SSH2: variants seen among roughly 807,000 people sequenced by gnomAD.
The protein encoded by SSH2 is protein phosphatase Slingshot homolog 2.
A neutral mutation model predicts 135.2 loss-of-function variants in SSH2; 37 were observed. The observed-to-expected ratio is 0.27, with a 90% CI of 0.21 to 0.36. The LOEUF is 0.36. Ranked by LOEUF, SSH2 falls within the 10% of genes least tolerant of loss-of-function variation. The pLI is 1.00. For missense variants in SSH2, 1,408 were observed against 1,765.3 expected (o/e 0.80, Z 3.63); for synonymous variants, 628 against 646.2 (o/e 0.97, Z 0.43).
chr17:29,892,058 TTTTC>T (rs1202394281), intron 1 of SSH2, among the ~76,000 whole-genome samples: 16 of 152,160 alleles, frequency 1.1e-4, no homozygotes, highest in Admixed American at 2.0e-4. Context: ...TTTTTCTTTC[TTTTC>T]TTTCTTTCTT....
intron 1 of SSH2, chr17:29,925,502 C>T (rs1390471082): frequency 3.3e-5 from 13 of 398,290 alleles, no homozygotes; most frequent in Admixed American, 1.3e-4. Flanking sequence ...GATCCCTTGA[C>T]GCCACGAGTT....
intron 2 of SSH2, among the ~76,000 whole-genome samples, chr17:29,815,933 C>T (rs770333407): frequency 1.3e-5 from 2 of 152,156 alleles, no homozygotes; most frequent in Non-Finnish European, 2.9e-5. Context: ...ACTGAAACCT[C>T]AGCCTCCCAA....
chr17:29,816,825 C>T (rs919055349), intron 2 of SSH2, among the ~76,000 whole-genome samples: 3 of 152,156 alleles, frequency 2.0e-5, no homozygotes, highest in South Asian at 2.1e-4. Flanking sequence ...TCCTTGCTAA[C>T]ACACTGGAAA....
intron 1 of SSH2, among the ~76,000 whole-genome samples, chr17:29,915,500 C>G (rs2066864905): frequency 6.6e-6 from 1 of 152,168 alleles, no homozygotes; most frequent in African/African-American, 2.4e-5. Flanking sequence ...TTTATAGTCT[C>G]AATCACTAAA....
intron 2 of SSH2, among the ~76,000 whole-genome samples, chr17:29,821,974 C>A (rs2042660408): frequency 6.6e-6 from 1 of 152,102 alleles, no homozygotes; most frequent in Admixed American, 6.6e-5. Context: ...TATCTATAAA[C>A]CTTGGAATTC....
chr17:29,630,961 G>C lies in SSH2; in HGVS notation c.4233C>G (p.Cys1411Trp). The C allele has an allele frequency of 6.2e-7, 1 of 1,613,104 alleles. No homozygotes were observed. The highest frequency in any genetic ancestry group is 1.1e-5 in the South Asian group (1 of 91,074). ...GTGCCACGGCCAGCCCTGGAGCTGG[G>C]CATGCACACTGCAGTCCCTGGGTCT... is the stretch of plus-strand genomic sequence containing the variant. ...VLQTQGLQCA[C>W]PAPGLAVAPR... The change falls in exon 16 of 16, where the codon TGC (cysteine) becomes TGG (tryptophan). Residue 1411 changes from cysteine (C) to tryptophan (W), a missense_variant. By Grantham distance (215) the Cys-to-Trp change is radical. Around this residue, in one of 3 missense-constraint regions of SSH2, gnomAD observed 1,080 missense variants for 1,144.5 expected, o/e 0.94. Transcript: ENST00000540801.
intron 2 of SSH2, among the ~76,000 whole-genome samples, chr17:29,826,351 A>T (rs1289783855): frequency 6.6e-6 from 1 of 152,232 alleles, no homozygotes; most frequent in Admixed American, 6.5e-5. Flanking sequence ...TCACATGACC[A>T]TGTCAGTTCC....
At chr17:29,838,220 A>G (rs1002223519) in intron 2 of SSH2, among the ~76,000 whole-genome samples, 1 of 152,330 alleles carries the variant, frequency 6.6e-6, no homozygotes, top group African/African-American at 2.4e-5. Context: ...TCAAGGCAGC[A>G]CTGACATGCC....
intron 2 of SSH2, among the ~76,000 whole-genome samples, chr17:29,816,744 G>A (rs991484902): frequency 1.3e-5 from 2 of 150,742 alleles, no homozygotes; most frequent in Non-Finnish European, 2.9e-5. Context: ...TTACGGAAAT[G>A]AAGGAGAAAA....
At chr17:29,716,604 T>C in intron 3 of SSH2, 1 of 681,036 alleles carries the variant, frequency 1.5e-6, no homozygotes, top group Non-Finnish European at 2.7e-6. Flanking sequence ...CGCATATGCA[T>C]GGCCAAAGGA....
intron 1 of SSH2, among the ~76,000 whole-genome samples, chr17:29,905,800 A>G (rs7223913): frequency 0.013 from 2,031 of 152,216 alleles, 40 homozygotes; most frequent in African/African-American, 0.047. Flanking sequence ...CCATGGGCCA[A>G]TCTGCATGCA....
intron 3 of SSH2, among the ~76,000 whole-genome samples, chr17:29,731,097 G>A (rs1183180714): frequency 5.9e-5 from 9 of 152,118 alleles, no homozygotes; most frequent in Non-Finnish European, 1.2e-4. Context: ...GGGTGCCTCT[G>A]AGTCAGTTTT....
At chr17:29,787,053 C>CA (rs1372539243) in intron 3 of SSH2, among the ~76,000 whole-genome samples, 1 of 152,220 alleles carries the variant, frequency 6.6e-6, no homozygotes, top group African/African-American at 2.4e-5. Flanking sequence ...AGTACGTTCA[C>CA]AATGTTGTGC....
intron 3 of SSH2, among the ~76,000 whole-genome samples, chr17:29,736,390 GC>G (rs1302206609): frequency 6.6e-6 from 1 of 152,154 alleles, no homozygotes; most frequent in African/African-American, 2.4e-5. Flanking sequence ...AAGTGATTCA[GC>G]ATCCAAGGAA....
intron 2 of SSH2, among the ~76,000 whole-genome samples, chr17:29,837,582 C>A (rs2042963594): frequency 6.6e-6 from 1 of 152,094 alleles, no homozygotes; most frequent in African/African-American, 2.4e-5. Flanking sequence ...AACTGCACCA[C>A]CCCCACCCTC....
At position 29,788,298 on chromosome 17, in the gene SSH2, T is replaced by C. The variant is rs80151427; in HGVS notation, c.188+5596A>G. ...TCCAGTGTGGGTAGTCCTCACTCAA[T>C]CTATTGAAGGCCTGAATAGAACAAA... On this transcript the variant is annotated intron_variant, in intron 3 of 15. Coordinates refer to ENST00000540801, the MANE Select transcript of SSH2 (RefSeq NM_001282129.2). 5.4e-3 allele frequency among the ~76,000 whole-genome samples: 823 copies of C among 152,268 alleles called. 8 individuals are homozygous for C. Among genetic ancestry groups the C allele is most frequent in the African/African-American group, 0.019 (777 of 41,554 alleles).
chr17:29,721,805 T>C (rs1039158167), intron 3 of SSH2, among the ~76,000 whole-genome samples: 1 of 152,248 alleles, frequency 6.6e-6, no homozygotes, highest in Non-Finnish European at 1.5e-5. Flanking sequence ...GGGTGAGACA[T>C]AACAGCTCTG....
At chr17:29,788,806 G>A (rs1324900709) in intron 3 of SSH2, among the ~76,000 whole-genome samples, 1 of 152,140 alleles carries the variant, frequency 6.6e-6, no homozygotes, top group Non-Finnish European at 1.5e-5. Flanking sequence ...TGAAGTGCAT[G>A]CTAGAAAAAG....
intron 11 of SSH2, among the ~76,000 whole-genome samples, chr17:29,663,514 T>TA (rs1308149942): frequency 2.6e-5 from 4 of 152,272 alleles, no homozygotes; most frequent in Non-Finnish European, 5.9e-5. Context: ...TTCATGCATT[T>TA]ACTTTGTTAA....
Sources: allele counts gnomAD v4.1 joint callset (sites outside exome capture counted in the v4.1 genomes callset), GRCh38; gene constraint gnomAD v4.1.1; regional missense constraint gnomAD v4.1.1; transcripts MANE v1.5; gene names NCBI Gene and HGNC (gene_info 2026-07-23, HGNC 2026-07-21).